The following PCDH15 variants were observed in gnomAD, a reference collection of about 807,000 sequenced individuals.
PCDH15 encodes protocadherin related 15, also known as protocadherin-15.
Under a neutral mutation model 178.5 loss-of-function variants are expected in PCDH15, and 129 were observed. The ratio of observed to expected loss-of-function variants is 0.72; its 90% confidence interval spans 0.63 to 0.84. PCDH15 has a LOEUF of 0.84. Ranked by LOEUF, PCDH15 falls within the 40% of genes least tolerant of loss-of-function variation. The pLI is 0.00. For synonymous variants in PCDH15, 800 were observed against 732.0 expected, an observed-to-expected ratio of 1.09 and a Z score of -1.50; for missense variants, 2,230 against 2,099.9, an observed-to-expected ratio of 1.06 and a Z score of -1.21.
intron 25 of PCDH15, 150 bp downstream of exon 25, chr10:53,938,665 C>A: frequency 1.3e-6 from 1 of 780,282 alleles, no homozygotes; most frequent in South Asian, 1.7e-5. Flanking sequence ...CATATATTAG[C>A]TGTTTAAACG....
chr10:55,076,489 T>TC (rs1841891461), intron 2 of PCDH15, among the ~76,000 whole-genome samples: 1 of 151,730 alleles, frequency 6.6e-6, no homozygotes, highest in Non-Finnish European at 1.5e-5. Flanking sequence ...TCTCGCTCTG[T>TC]CACTGAGCCT....
chr10:55,177,244 G>A (rs1348152954), intron 1 of PCDH15, among the ~76,000 whole-genome samples: 1 of 152,094 alleles, frequency 6.6e-6, no homozygotes, highest in Non-Finnish European at 1.5e-5. Flanking sequence ...TGGATACCTG[G>A]GTATGATGAG....
chr10:55,118,142 G>A (rs1837672603), intron 2 of PCDH15, among the ~76,000 whole-genome samples: 1 of 152,144 alleles, frequency 6.6e-6, no homozygotes, highest in Non-Finnish European at 1.5e-5. Flanking sequence ...ATTAGAAGTT[G>A]AGGAACACTC....
intron 13 of PCDH15, among the ~76,000 whole-genome samples, chr10:54,160,062 T>C (rs150570579): frequency 1.4e-4 from 21 of 152,232 alleles, no homozygotes; most frequent in East Asian, 7.7e-4. Context: ...TTTGGGACCA[T>C]TGTTATGTAA....
chr10:55,456,388 T>A (rs1839554544), intron 2 of PCDH15, among the ~76,000 whole-genome samples: 1 of 152,122 alleles, frequency 6.6e-6, no homozygotes, highest in Non-Finnish European at 1.5e-5. Flanking sequence ...AAATTTTATA[T>A]TTTAATGGTG....
Position 54,757,556 on chromosome 10 carries a change from C to T in PCDH15, c.-29+43369G>A, listed in dbSNP as rs1253341742. 9.3e-5 allele frequency among the ~76,000 whole-genome samples: 3 copies of T among 32,254 alleles called. 1 individual carries two copies. Among genetic ancestry groups the T allele is most frequent in the African/African-American group, 5.4e-4 (3 of 5,528 alleles). The allele number at this position is 32,254 out of a possible 152,430, so 21.2% of individuals were successfully genotyped here. On this transcript the variant is annotated intron_variant, in intron 1 of 37. Transcript: ENST00000644397. ...TCGGCCTCCCAAAGTGCTGGGATTA[C>T]AGGCGTGAGCCACCGCGCCCGGCCA...
rs35695771 is a variant in PCDH15, at chr10:54,548,238, GT to G, written c.92-20362del. 2.3e-3 allele frequency among the ~76,000 whole-genome samples: 345 copies of G among 147,230 alleles called. 1 individual carries two copies. The highest frequency in any genetic ancestry group is 8.3e-3 in the African/African-American group (339 of 40,634). ...TTATACATATATAAAATACTCACAT[GT>G]TTTTTAATGTGGCTTATTTAAGGAA... On this transcript the variant is annotated intron_variant, in intron 2 of 37. Transcript: ENST00000644397.
At position 55,096,280 on chromosome 10, in the gene PCDH15, T is replaced by G. The variant is rs1028522113; in HGVS notation, c.-80+70296A>C. 2.0e-5 allele frequency among the ~76,000 whole-genome samples: 3 copies of G among 152,162 alleles called. No individual in the cohort carries two copies. The East Asian group carries it at 5.8e-4, about 29-fold the overall frequency. The stretch of plus-strand genomic sequence containing the variant: ...TAGTTAAAATGTATTTTCTTAGACA[T>G]TAACTCAATTGGTCTCTCCAAATTC... On this transcript the variant is annotated intron_variant, in intron 2 of 5. Transcript: ENST00000458638.
intron 13 of PCDH15, among the ~76,000 whole-genome samples, chr10:54,177,986 T>A (rs2047608598): frequency 6.6e-6 from 1 of 152,138 alleles, no homozygotes; most frequent in African/African-American, 2.4e-5. Flanking sequence ...CAAGTATATA[T>A]AGAGGTGATG....
At chr10:53,934,735 C>T (rs1274022536) in intron 25 of PCDH15, among the ~76,000 whole-genome samples, 4 of 152,064 alleles carry the variant, frequency 2.6e-5, no homozygotes, top group Non-Finnish European at 4.4e-5. Flanking sequence ...CATGGCTAGG[C>T]CTGTTAAAAT....
At chr10:54,564,195 G>A (rs1590139950) in intron 2 of PCDH15, among the ~76,000 whole-genome samples, 2 of 151,778 alleles carry the variant, frequency 1.3e-5, no homozygotes, top group Admixed American at 1.3e-4. Flanking sequence ...AAATTATTTT[G>A]TCTATCCACT....
At chr10:54,524,443 A>G (rs1470264262) in intron 3 of PCDH15, among the ~76,000 whole-genome samples, 2 of 152,146 alleles carry the variant, frequency 1.3e-5, no homozygotes, top group Non-Finnish European at 2.9e-5. Context: ...ATTAGTTTGA[A>G]TGAGTGGTTC....
intron 5 of PCDH15, among the ~76,000 whole-genome samples, chr10:54,363,517 T>C (rs895744372): frequency 6.6e-6 from 1 of 152,184 alleles, no homozygotes; most frequent in African/African-American, 2.4e-5. Context: ...AGCATCACTG[T>C]ATATTTGTAT....
chr10:54,995,686 G>A (rs1026693727), intron 2 of PCDH15, among the ~76,000 whole-genome samples: 15 of 150,338 alleles, frequency 1.0e-4, no homozygotes, highest in Non-Finnish European at 2.2e-4. Flanking sequence ...AGAAAGTTAC[G>A]TTTGTCTTAT....
At chr10:54,862,579 G>A (rs1282801034) in intron 3 of PCDH15, among the ~76,000 whole-genome samples, 1 of 152,180 alleles carries the variant, frequency 6.6e-6, no homozygotes, top group Non-Finnish European at 1.5e-5. Flanking sequence ...TCTAGTGGGA[G>A]CTGTTTTCGT....
intron 1 of PCDH15, among the ~76,000 whole-genome samples, chr10:55,308,094 A>C (rs1322542011): frequency 3.3e-5 from 5 of 152,336 alleles, no homozygotes; most frequent in Middle Eastern, 6.9e-3. Context: ...AATATTATAG[A>C]AAACATTTTT....
At chr10:54,928,673 A>G (rs1192678116) in intron 2 of PCDH15, among the ~76,000 whole-genome samples, 1 of 151,994 alleles carries the variant, frequency 6.6e-6, no homozygotes, top group Non-Finnish European at 1.5e-5. Context: ...TGACTAACTT[A>G]TTTCAGAAAG....
chr10:54,696,661 C>A (rs1165411681), intron 1 of PCDH15, among the ~76,000 whole-genome samples: 1 of 150,924 alleles, frequency 6.6e-6, no homozygotes, highest in African/African-American at 2.4e-5. Flanking sequence ...CAAAAAGATT[C>A]TTTCAAATCA....
chr10:55,086,245 T>C (rs1733746), intron 2 of PCDH15, among the ~76,000 whole-genome samples: 13,843 of 151,876 alleles, frequency 0.091, 1,880 homozygotes, highest in African/African-American at 0.3. Context: ...TAGTTTGAAG[T>C]GCCATTTAAT....
Sources: allele counts gnomAD v4.1 joint callset (sites outside exome capture counted in the v4.1 genomes callset), GRCh38; gene constraint gnomAD v4.1.1; transcripts MANE v1.5; gene names NCBI Gene and HGNC (gene_info 2026-07-23, HGNC 2026-07-21).